Variants in SCFD2 observed in about 807,000 individuals in gnomAD.
SCFD2 encodes sec1 family domain containing 2.
SCFD2 carries 54 observed loss-of-function variants against 58.9 expected under a neutral mutation model. The observed-to-expected ratio is 0.92, with a 90% CI of 0.74 to 1.15. The LOEUF (loss-of-function observed/expected upper bound fraction) is 1.15, where lower values mean the gene tolerates loss of function less well. Among genes scored for constraint, SCFD2 ranks in the 50% most tolerant of loss-of-function variants. The pLI is 0.00. For missense variants in SCFD2, 805 were observed against 836.6 expected (o/e 0.96, Z 0.47); for synonymous variants, 321 against 335.9 (o/e 0.96, Z 0.49).
At chr4:53,212,481 A>AATAAATAG (rs1359805256) in intron 4 of SCFD2, among the ~76,000 whole-genome samples, 1 of 150,422 alleles carries the variant, frequency 6.6e-6, no homozygotes, top group Non-Finnish European at 1.5e-5. Context: ...AAAATAAATA[A>AATAAATAG]ATAATAATAA....
chr4:53,179,629 G>A (rs1727472303), intron 4 of SCFD2, among the ~76,000 whole-genome samples: 1 of 152,084 alleles, frequency 6.6e-6, no homozygotes, highest in South Asian at 2.1e-4. Flanking sequence ...CATAATGACA[G>A]GATCAAATTC....
intron 5 of SCFD2, among the ~76,000 whole-genome samples, chr4:52,997,569 T>C (rs993227213): frequency 3.9e-5 from 6 of 152,210 alleles, no homozygotes; most frequent in African/African-American, 1.4e-4. Context: ...AGAGAAAGGC[T>C]TTCTAAGATT....
intron 5 of SCFD2, among the ~76,000 whole-genome samples, chr4:52,987,845 C>G (rs921149096): frequency 2.0e-5 from 3 of 152,226 alleles, no homozygotes; most frequent in Non-Finnish European, 4.4e-5. Flanking sequence ...GCAATTCCCT[C>G]TCATCAAACT....
intron 4 of SCFD2, among the ~76,000 whole-genome samples, chr4:53,182,994 A>C (rs944540762): frequency 9.2e-5 from 14 of 152,192 alleles, no homozygotes; most frequent in African/African-American, 2.7e-4. Context: ...TTAAAAAGTC[A>C]GGAAACAACA....
intron 4 of SCFD2, among the ~76,000 whole-genome samples, chr4:53,217,734 G>A (rs1037715734): frequency 6.6e-6 from 1 of 152,104 alleles, no homozygotes; most frequent in Non-Finnish European, 1.5e-5. Flanking sequence ...TTTCTTCATG[G>A]TATCAATGGT....
chr4:52,961,605 T>A (rs1720854031), intron 5 of SCFD2, among the ~76,000 whole-genome samples: 1 of 152,150 alleles, frequency 6.6e-6, no homozygotes, highest in African/African-American at 2.4e-5. Flanking sequence ...CAGTGAGGTG[T>A]GGCCAGACTT....
At chr4:53,154,218 A>G (rs1385492677) in intron 4 of SCFD2, among the ~76,000 whole-genome samples, 2 of 152,174 alleles carry the variant, frequency 1.3e-5, no homozygotes, top group East Asian at 3.9e-4. Context: ...TAATTTATAA[A>G]GAAAAGAGGT....
intron 4 of SCFD2, among the ~76,000 whole-genome samples, chr4:53,227,940 C>G (rs1441176077): frequency 6.6e-6 from 1 of 152,132 alleles, no homozygotes; most frequent in Non-Finnish European, 1.5e-5. Context: ...CAAATAAGCT[C>G]TTCAATGTAG....
At chr4:53,055,655 GGA>G (rs1267464734) in intron 5 of SCFD2, among the ~76,000 whole-genome samples, 1 of 152,062 alleles carries the variant, frequency 6.6e-6, no homozygotes, top group African/African-American at 2.4e-5. Context: ...AAAATAAAAA[GGA>G]GAGAGAAAAA....
rs546448648 is a variant in SCFD2 at position 52,981,866 on chromosome 4, A to G, written c.1562-60996T>C. On this transcript the variant is annotated intron_variant, in intron 5 of 8. Coordinates refer to ENST00000401642, the MANE Select transcript of SCFD2 (RefSeq NM_152540.4). ...GGTCTGTGTTATCAAATATAAATAC[A>G]CTACTACTGTTGGGAGGAGAAAGAC... Among the ~76,000 whole-genome samples the G allele has an allele frequency of 1.1e-4, 16 of 152,288 alleles. 1 individual carries two copies. The East Asian group carries it at 2.9e-3, about 28-fold the overall frequency.
At chr4:53,256,271 CCTCACATCCCAGAT>C (rs1730626262) in intron 4 of SCFD2, among the ~76,000 whole-genome samples, 1 of 122,662 alleles carries the variant, frequency 8.2e-6, no homozygotes, top group Non-Finnish European at 1.7e-5. Context: ...CAGAGGCGCT[CCTCACATCCCAGAT>C]GGGGCGGCGG....
chr4:53,007,122 A>G (rs183440993), intron 5 of SCFD2, among the ~76,000 whole-genome samples: 6 of 152,020 alleles, frequency 3.9e-5, no homozygotes, highest in African/African-American at 1.4e-4. Context: ...CTCTAAAAAA[A>G]AATTAAAAAT....
intron 4 of SCFD2, among the ~76,000 whole-genome samples, chr4:53,259,633 T>C (rs1452263059): frequency 2.0e-5 from 3 of 152,218 alleles, no homozygotes; most frequent in Admixed American, 2.0e-4. Flanking sequence ...ACTTATAGTA[T>C]AGTTTGAATT....
At chr4:53,197,872 TA>T (rs900801739) in intron 4 of SCFD2, among the ~76,000 whole-genome samples, 53 of 151,482 alleles carry the variant, frequency 3.5e-4, no homozygotes, top group Non-Finnish European at 7.8e-4. Flanking sequence ...AAATATGGGG[TA>T]AAAAAATATT....
At chr4:53,063,610 G>C (rs1723575713) in intron 5 of SCFD2, among the ~76,000 whole-genome samples, 1 of 152,066 alleles carries the variant, frequency 6.6e-6, no homozygotes, top group South Asian at 2.1e-4. Flanking sequence ...AAACAGGGAA[G>C]TTAGGATTCA....
At chr4:52,987,060 C>T (rs1307521830) in intron 5 of SCFD2, among the ~76,000 whole-genome samples, 1 of 152,086 alleles carries the variant, frequency 6.6e-6, no homozygotes, top group Non-Finnish European at 1.5e-5. Flanking sequence ...GACGGAGTCT[C>T]GCTCCGTCGC....
chr4:53,295,434 T>C (rs1454405426), intron 3 of SCFD2, among the ~76,000 whole-genome samples: 1 of 152,224 alleles, frequency 6.6e-6, no homozygotes, highest in African/African-American at 2.4e-5. Flanking sequence ...GATTTGGCTC[T>C]GTTTGTCTGT....
chr4:53,359,827 C>T (rs1462812612), intron 1 of SCFD2, among the ~76,000 whole-genome samples: 2 of 152,200 alleles, frequency 1.3e-5, no homozygotes, highest in Admixed American at 6.5e-5. Context: ...GGGCCAGGAG[C>T]ACCCTTGCCA....
chr4:53,360,420 A>G lies in SCFD2; in HGVS notation c.838+4684T>C, dbSNP rs79151704. On this transcript the variant is annotated intron_variant, in intron 1 of 8. Transcript: ENST00000401642. Reference sequence around the variant, plus strand: ...AAAGTGAGCAGGTGATAATTTTTAAATGGGATGTAGATCATGGACACTTCT... The same window carrying G: ...AAAGTGAGCAGGTGATAATTTTTAAGTGGGATGTAGATCATGGACACTTCT... Among the ~76,000 whole-genome samples, 1,255 of 152,330 alleles carry G rather than the reference A, an allele frequency of 8.2e-3. 18 individuals carry two copies. Among genetic ancestry groups the G allele is most frequent in the African/African-American group, 0.028 (1,183 of 41,574 alleles).
Sources: allele counts gnomAD v4.1 joint callset (sites outside exome capture counted in the v4.1 genomes callset), GRCh38; gene constraint gnomAD v4.1.1; transcripts MANE v1.5; gene names NCBI Gene and HGNC (gene_info 2026-07-23, HGNC 2026-07-21).